RASSF5: variants seen among roughly 807,000 people sequenced by gnomAD.
RASSF5 encodes Ras association domain family member 5, also known as ras association domain-containing protein 5.
In RASSF5, 25 loss-of-function variants were observed where a neutral mutation model predicts 40.5. The observed-to-expected ratio is 0.62, with a 90% CI of 0.45 to 0.86. RASSF5 has a LOEUF of 0.86. Among genes scored for constraint, RASSF5 ranks in the 40% least tolerant of loss-of-function variants. RASSF5 has a pLI of 0.00. For synonymous variants in RASSF5, 246 were observed against 252.4 expected (o/e 0.97, Z 0.24); for missense variants, 521 against 572.8 (o/e 0.91, Z 0.92).
intron 1 of RASSF5, among the ~76,000 whole-genome samples, chr1:206,524,445 A>G (rs1235946879): frequency 3.6e-5 from 5 of 138,642 alleles, no homozygotes; most frequent in African/African-American, 1.3e-4. Flanking sequence ...TATATAATAT[A>G]TTTTCTATAT....
At chr1:206,581,117 A>T (rs1558522270) in intron 2 of RASSF5, 1 of 152,242 alleles carries the variant, frequency 6.6e-6, no homozygotes. Flanking sequence ...TCTTACTAGC[A>T]GGGGACCACA....
At chr1:206,517,231 T>C (rs966848322) in intron 1 of RASSF5, among the ~76,000 whole-genome samples, 7 of 152,242 alleles carry the variant, frequency 4.6e-5, no homozygotes, top group South Asian at 2.1e-4. Context: ...CCCAGCACTT[T>C]GGGAGACTGA....
intron 1 of RASSF5, among the ~76,000 whole-genome samples, chr1:206,523,330 A>AATATATTTATATATTATATATTTT (rs1666956574): frequency 7.5e-6 from 1 of 133,284 alleles, no homozygotes; most frequent in African/African-American, 2.8e-5. Context: ...ATACATATAA[A>AATATATTTATATATTATATATTTT]ATATATTTAT....
intron 2 of RASSF5, among the ~76,000 whole-genome samples, chr1:206,546,796 A>G (rs1365659535): frequency 6.6e-6 from 1 of 152,238 alleles, no homozygotes; most frequent in African/African-American, 2.4e-5. Context: ...GAAGTGTTGA[A>G]TATCTCATGT....
chr1:206,559,582 G>T (rs1333633147), intron 2 of RASSF5, among the ~76,000 whole-genome samples: 1 of 152,144 alleles, frequency 6.6e-6, no homozygotes, highest in Non-Finnish European at 1.5e-5. Flanking sequence ...CCTGTACTTT[G>T]TGTCTTGAAT....
intron 1 of RASSF5, among the ~76,000 whole-genome samples, chr1:206,526,742 G>A (rs1374100122): frequency 2.0e-5 from 3 of 152,126 alleles, no homozygotes; most frequent in Non-Finnish European, 4.4e-5. Context: ...GAACTCAGAT[G>A]AGCAGGAAAG....
rs781898198 is a variant in RASSF5 at position 206,507,840 on chromosome 1, G to C, written c.238G>C (p.Ala80Pro). 1 of 1,446,260 alleles carries C rather than the reference G, an allele frequency of 6.9e-7. No individual in the cohort carries two copies. Among genetic ancestry groups the C allele is most frequent in the East Asian group, 3.0e-5 (1 of 32,946 alleles). The allele number at this position is 1,446,260 out of a possible 1,614,324, so 89.6% of individuals were successfully genotyped here. A position where few individuals can be genotyped will look rare whatever the true frequency, so the allele number is the denominator to read the frequency against. ...GCCCCCGCCCCGGGCCTCCCGACCC[G>C]CTCGCCCGCTCCGGCCTGGTCTGCA... ...LEPPPRASRP[A>P]RPLRPGLQQR... Residue 80 changes from alanine to proline, a missense_variant, in exon 1 of 6, where the codon GCT becomes CCT. Ala to Pro is a conservative substitution (Grantham distance 27, BLOSUM62 -1). Coordinates refer to ENST00000579436, the MANE Select transcript of RASSF5 (RefSeq NM_182663.4).
intron 2 of RASSF5, among the ~76,000 whole-genome samples, chr1:206,573,093 G>C (rs1224034154): frequency 6.6e-6 from 1 of 152,208 alleles, no homozygotes; most frequent in Non-Finnish European, 1.5e-5. Flanking sequence ...AGTGCTTACT[G>C]TGTACTTTGT....
intron 1 of RASSF5, among the ~76,000 whole-genome samples, chr1:206,528,299 C>G (rs1572306069): frequency 1.3e-5 from 2 of 151,432 alleles, no homozygotes; most frequent in East Asian, 3.9e-4. Context: ...AGTGAAAGAG[C>G]CAGTCTGAAA....
chr1:206,523,452 A>G (rs1341176215), intron 1 of RASSF5, among the ~76,000 whole-genome samples: 2 of 114,030 alleles, frequency 1.8e-5, no homozygotes, highest in Admixed American at 1.3e-4. Flanking sequence ...TATAATATAT[A>G]ATATATTAAA....
chr1:206,570,324 C>A (rs1668408552), intron 2 of RASSF5, among the ~76,000 whole-genome samples: 1 of 151,928 alleles, frequency 6.6e-6, no homozygotes, highest in Non-Finnish European at 1.5e-5. Flanking sequence ...AGACTCTGGG[C>A]CTCAAGAGAT....
At position 206,584,865 on chromosome 1, in the gene RASSF5, T is replaced by G; in HGVS notation, c.988+181T>G. 1.5e-6 allele frequency: 1 copy of G among 655,770 alleles called. No homozygotes were observed. Among genetic ancestry groups the G allele is most frequent in the Non-Finnish European group, 2.6e-6 (1 of 384,878 alleles). 40.6% of individuals were successfully genotyped at this position (655,770 alleles called of 1,614,324 possible). A position where few individuals can be genotyped will look rare whatever the true frequency, so the allele number is the denominator to read the frequency against. The stretch of plus-strand genomic sequence containing the variant: ...GGCAGGGAGGCAAGAGCAGAGTCCC[T>G]GACTCTGCATGTGACTTCAGGAAAA... On this transcript the variant is annotated intron_variant, in intron 4 of 5. Transcript: ENST00000579436. This position sits in a 1 kb window ranked among gnomAD's most constrained non-coding sequence, Gnocchi z 4.9.
At chr1:206,539,992 CT>C (rs1201194005) in intron 2 of RASSF5, among the ~76,000 whole-genome samples, 1 of 152,198 alleles carries the variant, frequency 6.6e-6, no homozygotes, top group Non-Finnish European at 1.5e-5. Context: ...CTTTGTGTCT[CT>C]TTCTGTTCCT....
Position 206,587,880 on chromosome 1 carries a change from T to C in RASSF5, c.*902T>C, listed in dbSNP as rs1458463896. On this transcript the variant is annotated 3_prime_UTR_variant, in exon 6 of 6. Coordinates refer to ENST00000579436, the MANE Select transcript of RASSF5 (RefSeq NM_182663.4). ...TGCAGAGAAAGGTGTCCAAGCTGTC[T>C]TCAGCCTTCCCCAGCTAAAGAGCAG... 6.5e-6 allele frequency: 1 copy of C among 152,884 alleles called. No individual in the cohort carries two copies. Among genetic ancestry groups the C allele is most frequent in the Admixed American group, 6.5e-5 (1 of 15,284 alleles). 9.5% of individuals were successfully genotyped at this position (152,884 alleles called of 1,614,324 possible).
At chr1:206,555,113 A>G (rs1289902912) in intron 2 of RASSF5, among the ~76,000 whole-genome samples, 1 of 152,230 alleles carries the variant, frequency 6.6e-6, no homozygotes, top group Non-Finnish European at 1.5e-5. Flanking sequence ...GAAAGACCCT[A>G]TTCAGATGTC....
intron 2 of RASSF5, among the ~76,000 whole-genome samples, chr1:206,561,013 G>A (rs1270209360): frequency 6.6e-6 from 1 of 152,196 alleles, no homozygotes; most frequent in Admixed American, 6.5e-5. Flanking sequence ...TACAGGTGGT[G>A]GCCATTTAAG....
At chr1:206,514,103 C>A (rs1666688715) in intron 1 of RASSF5, among the ~76,000 whole-genome samples, 1 of 152,230 alleles carries the variant, frequency 6.6e-6, no homozygotes, top group South Asian at 2.1e-4. Flanking sequence ...TCCTAGAGTA[C>A]ACAAAGGTTT....
chr1:206,514,544 C>G (rs1165085079), intron 1 of RASSF5, among the ~76,000 whole-genome samples: 1 of 152,206 alleles, frequency 6.6e-6, no homozygotes, highest in East Asian at 1.9e-4. Context: ...GCTCCCCATT[C>G]CTGTTTTTTG....
At chr1:206,575,190 C>T (rs1292700038) in intron 2 of RASSF5, among the ~76,000 whole-genome samples, 1 of 152,120 alleles carries the variant, frequency 6.6e-6, no homozygotes, top group African/African-American at 2.4e-5. Flanking sequence ...ACGTTCCCAT[C>T]TAGGGCAAGC....
Sources: allele counts gnomAD v4.1 joint callset (sites outside exome capture counted in the v4.1 genomes callset), GRCh38; gene constraint gnomAD v4.1.1; non-coding constraint Gnocchi (gnomAD v3.1); transcripts MANE v1.5; gene names NCBI Gene and HGNC (gene_info 2026-07-23, HGNC 2026-07-21).